PEX2: variants seen among roughly 807,000 people sequenced by gnomAD.
The protein encoded by PEX2 is peroxisomal biogenesis factor 2.
Under a neutral mutation model 25.2 loss-of-function variants are expected in PEX2, and 19 were observed. That is an observed-to-expected ratio of 0.75 (90% CI 0.53 to 1.10). The LOEUF is 1.10. Among genes scored for constraint, PEX2 ranks in the 50% least tolerant of loss-of-function variants. The pLI is 0.00. For synonymous variants in PEX2, 141 were observed against 127.7 expected (o/e 1.10, Z -0.70); for missense variants, 347 against 350.6 (o/e 0.99, Z 0.08).
At position 76,999,979 on chromosome 8, in the gene PEX2, C is replaced by A; in HGVS notation, c.-160+11G>T. 4.4e-6 allele frequency: 2 copies of A among 456,678 alleles called. No homozygotes were observed. The highest frequency in any genetic ancestry group is 8.8e-6 in the Non-Finnish European group (2 of 226,956). 28.3% of individuals were successfully genotyped at this position (456,678 alleles called of 1,614,324 possible). A position where few individuals can be genotyped will look rare whatever the true frequency, so the allele number is the denominator to read the frequency against. On this transcript the variant is annotated intron_variant, in intron 1 of 3. Transcript: ENST00000357039. ...GGGTTTGCACTCCGGCTCTCTAGGGCAGACACTGACCTTAGGAGTCTGCGA... is the reference window on the plus strand; with the variant it reads ...GGGTTTGCACTCCGGCTCTCTAGGGAAGACACTGACCTTAGGAGTCTGCGA...
In PEX2 at chr8:76,983,446, C is replaced by T. The variant is rs112108739; in HGVS notation, c.733G>A (p.Ala245Thr). ...NTLATSGKEC[A>T]LCGEWPTMPH... ...ATGGTGGGCCACTCTCCACATAGAG[C>T]GCATTCTTTGCCACTGGTGGCTAAT... Residue 245 changes from alanine (A) to threonine (T), a missense_variant, in exon 4 of 4, where the codon GCT becomes ACT. By Grantham distance (58) the Ala-to-Thr change is moderately conservative. Coordinates refer to ENST00000357039, the MANE Select transcript of PEX2 (RefSeq NM_000318.3). The T allele has an allele frequency of 5.0e-3, 8,064 of 1,614,058 alleles. 372 individuals are homozygous for T. In the African/African-American group the frequency reaches 0.094, roughly 19 times the overall value.
rs1040269003 is a variant in PEX2, at chr8:76,985,252, TA to T, written c.-18+934del. ...TATGATCTCATTTATATGTGGATTC[TA>T]AAAAAGTCAAACTTATTGAAACAGA... On this transcript the variant is annotated intron_variant, in intron 3 of 3. Transcript: ENST00000357039. Among the ~76,000 whole-genome samples, 18 of 151,788 alleles carry T rather than the reference TA, an allele frequency of 1.2e-4. No individual in the cohort carries two copies. The South Asian group carries it at 2.1e-3, about 18-fold the overall frequency.
In PEX2 at chr8:76,983,235, T is replaced by A; in HGVS notation, c.*26A>T. On this transcript the variant is annotated 3_prime_UTR_variant, in exon 4 of 4. Transcript: ENST00000357039. Reference sequence around the variant, plus strand: ...AAGAATTTAAACACGGTGCATTTTTTTCCTCAAAGGAAGCAATTTTAGTTT... The same window carrying A: ...AAGAATTTAAACACGGTGCATTTTTATCCTCAAAGGAAGCAATTTTAGTTT... 6.2e-7 allele frequency: 1 copy of A among 1,607,558 alleles called. No individual in the cohort carries two copies. The highest frequency in any genetic ancestry group is 1.3e-5 in the African/African-American group (1 of 75,058).
chr8:76,998,175 T>C (rs560293202), intron 1 of PEX2, among the ~76,000 whole-genome samples: 1 of 152,122 alleles, frequency 6.6e-6, no homozygotes, highest in East Asian at 1.9e-4. Flanking sequence ...AGAATGTGGA[T>C]GGTGTGCAAG....
chr8:77,000,427 T>C (rs1474527736), upstream of PEX2, among the ~76,000 whole-genome samples: 1 of 151,748 alleles, frequency 6.6e-6, no homozygotes, highest in African/African-American at 2.4e-5. Flanking sequence ...CTTTCTCTGC[T>C]TGCGGACATC....
chr8:76,998,402 G>A (rs990881332), intron 1 of PEX2, among the ~76,000 whole-genome samples: 1 of 152,122 alleles, frequency 6.6e-6, no homozygotes. Flanking sequence ...AGGATATGGA[G>A]AAGAAGGAAT....
At chr8:76,995,713 T>G (rs1034642333) in intron 1 of PEX2, among the ~76,000 whole-genome samples, 9 of 152,214 alleles carry the variant, frequency 5.9e-5, no homozygotes, top group African/African-American at 2.2e-4. Context: ...AGCATGGCAC[T>G]CATATTTTTT....
chr8:76,986,720 A>C (rs1807012985), intron 2 of PEX2, among the ~76,000 whole-genome samples: 1 of 152,178 alleles, frequency 6.6e-6, no homozygotes, highest in African/African-American at 2.4e-5. Flanking sequence ...ACTGGCTCAG[A>C]CATCACTTCC....
chr8:76,996,302 A>G (rs2132060078), intron 1 of PEX2, among the ~76,000 whole-genome samples: 1 of 152,346 alleles, frequency 6.6e-6, no homozygotes, highest in East Asian at 1.9e-4. Flanking sequence ...CTTCTGTTCT[A>G]AAACAAGGAA....
rs77507591 is a variant in PEX2, at chr8:76,982,223, G to C, written c.*1038C>G. 6.6e-6 allele frequency: 1 copy of C among 152,310 alleles called. No individual in the cohort carries two copies. Among genetic ancestry groups the C allele is most frequent in the African/African-American group, 2.4e-5 (1 of 41,574 alleles). The allele number at this position is 152,310 out of a possible 1,614,324, so 9.4% of individuals were successfully genotyped here. A position where few individuals can be genotyped will look rare whatever the true frequency, so the allele number is the denominator to read the frequency against. ...GTAAAAAAAGGCAGAGAAAAAGAGT[G>C]AAGGATACAGAATTATCTTGATTAT... On this transcript the variant is annotated 3_prime_UTR_variant, in exon 4 of 4. Transcript: ENST00000357039.
intron 1 of PEX2, among the ~76,000 whole-genome samples, chr8:76,998,922 C>A (rs78602177): frequency 6.6e-6 from 1 of 151,434 alleles, no homozygotes; most frequent in Non-Finnish European, 1.5e-5. Context: ...CTTCAGTCTA[C>A]TAGTCTAGTA....
Position 76,981,688 on chromosome 8 carries a change from G to C in PEX2, c.*1573C>G, listed in dbSNP as rs957410211. On this transcript the variant is annotated 3_prime_UTR_variant, in exon 4 of 4. Coordinates refer to ENST00000357039, the MANE Select transcript of PEX2 (RefSeq NM_000318.3). ...AATTTTGTAAATAAGAAATGTACGTGCAACAAATCTACAAATATAGTAAAA... is the reference window on the plus strand; with the variant it reads ...AATTTTGTAAATAAGAAATGTACGTCCAACAAATCTACAAATATAGTAAAA... 6.6e-6 allele frequency: 1 copy of C among 152,062 alleles called. No individual in the cohort carries two copies. The highest frequency in any genetic ancestry group is 6.6e-5 in the Admixed American group (1 of 15,264). 9.4% of individuals were successfully genotyped at this position (152,062 alleles called of 1,614,324 possible).
At chr8:76,998,983 A>G (rs1367270253) in intron 1 of PEX2, among the ~76,000 whole-genome samples, 1 of 151,346 alleles carries the variant, frequency 6.6e-6, no homozygotes, top group Non-Finnish European at 1.5e-5. Flanking sequence ...AAAAAATATG[A>G]AGGGTTTTTT....
intron 3 of PEX2, among the ~76,000 whole-genome samples, chr8:76,985,063 A>T (rs1288615817): frequency 1.3e-5 from 2 of 152,086 alleles, no homozygotes; most frequent in Non-Finnish European, 2.9e-5. Context: ...ATTATTATAA[A>T]TATGTATTAT....
At chr8:76,991,478 G>A (rs1037230154) in intron 1 of PEX2, among the ~76,000 whole-genome samples, 2 of 152,032 alleles carry the variant, frequency 1.3e-5, no homozygotes, top group African/African-American at 2.4e-5. Flanking sequence ...TTATTAAACT[G>A]TTCTTCAGCC....
intron 1 of PEX2, among the ~76,000 whole-genome samples, chr8:76,991,090 C>G (rs1256112273): frequency 6.6e-6 from 1 of 152,104 alleles, no homozygotes; most frequent in African/African-American, 2.4e-5. Context: ...CAGAATGTAC[C>G]CCCTTGATAA....
chr8:77,000,523 C>A, upstream of PEX2, among the ~76,000 whole-genome samples: 1 of 152,170 alleles, frequency 6.6e-6, no homozygotes, highest in East Asian at 1.9e-4. Flanking sequence ...GGAGGAGGAC[C>A]GGCTGAGGGA....
Position 76,991,140 on chromosome 8 carries a change from A to G in PEX2, c.-159-2802T>C, listed in dbSNP as rs73242191. On this transcript the variant is annotated intron_variant, in intron 1 of 3. Transcript: ENST00000357039. Reference sequence around the variant, plus strand: ...CATCTCTTCCTCAGGTTCCTTAGTGATATTTAGTGAGAAACTGGTCAGAGT... The same window carrying G: ...CATCTCTTCCTCAGGTTCCTTAGTGGTATTTAGTGAGAAACTGGTCAGAGT... Among the ~76,000 whole-genome samples the G allele has an allele frequency of 3.9e-3, 592 of 152,274 alleles. 5 individuals are homozygous for G. Among genetic ancestry groups the G allele is most frequent in the Middle Eastern group, 0.01 (3 of 294 alleles).
In PEX2 at chr8:76,992,773, G is replaced by A. The variant is rs1245421882; in HGVS notation, c.-159-4435C>T. ...ACAAGGCATTCTCCTAGGTACTAGA[G>A]ATTCAATCTAAATATTTAACTGTCA... On this transcript the variant is annotated intron_variant, in intron 1 of 3. Transcript: ENST00000357039. 2.0e-5 allele frequency among the ~76,000 whole-genome samples: 3 copies of A among 152,162 alleles called. No individual in the cohort carries two copies. In the East Asian group the frequency reaches 5.8e-4, roughly 29 times the overall value.
Sources: allele counts gnomAD v4.1 joint callset (sites outside exome capture counted in the v4.1 genomes callset), GRCh38; gene constraint gnomAD v4.1.1; transcripts MANE v1.5; gene names NCBI Gene and HGNC (gene_info 2026-07-23, HGNC 2026-07-21).